Variants in MYO18B observed in about 807,000 individuals in gnomAD.
MYO18B encodes unconventional myosin-XVIIIb.
Under a neutral mutation model 273.0 loss-of-function variants are expected in MYO18B, and 204 were observed. The ratio of observed to expected loss-of-function variants is 0.75; its 90% CI spans 0.67 to 0.84. MYO18B has a LOEUF of 0.84. Ranked by LOEUF, MYO18B falls within the 40% of genes least tolerant of loss-of-function variation. The pLI is 0.00. For synonymous variants in MYO18B, 1,330 were observed against 1,305.7 expected (o/e 1.02, Z -0.40); for missense variants, 3,212 against 3,287.6 (o/e 0.98, Z 0.56).
intron 40 of MYO18B, among the ~76,000 whole-genome samples, chr22:26,000,469 C>G (rs1192010630): frequency 6.6e-6 from 1 of 151,998 alleles, no homozygotes; most frequent in Non-Finnish European, 1.5e-5. Context: ...CTTTCCAGGA[C>G]CAATAACCTG....
intron 33 of MYO18B, among the ~76,000 whole-genome samples, chr22:25,912,563 G>A (rs1481325788): frequency 6.6e-6 from 1 of 152,160 alleles, no homozygotes; most frequent in Non-Finnish European, 1.5e-5. Context: ...CACTTTTGAT[G>A]ATTTTAAATG....
intron 12 of MYO18B, among the ~76,000 whole-genome samples, chr22:25,823,044 C>T (rs2089343174): frequency 6.6e-6 from 1 of 152,112 alleles, no homozygotes; most frequent in Non-Finnish European, 1.5e-5. Context: ...TTCCTACTGT[C>T]TTGTGAACTA....
chr22:25,863,380 G>A (rs762396402), intron 21 of MYO18B, among the ~76,000 whole-genome samples: 22 of 152,072 alleles, frequency 1.4e-4, no homozygotes, highest in South Asian at 1.0e-3. Flanking sequence ...ATAATTTTAC[G>A]TTTATTGCAC....
rs530977157 is a variant in MYO18B at position 25,865,740 on chromosome 22, T to C, written c.3886-2580T>C. ...GATCTAACTCTGGATCATGATTTTT[T>C]TTCCCCCAAAACATCTGCCATAGAC... is the stretch of plus-strand genomic sequence containing the variant. On this transcript the variant is annotated intron_variant, in intron 21 of 43. Coordinates refer to ENST00000335473, the MANE Select transcript of MYO18B (RefSeq NM_032608.7). Among the ~76,000 whole-genome samples the C allele has an allele frequency of 8.3e-4, 127 of 152,176 alleles. 2 individuals carry two copies. The highest frequency in any genetic ancestry group is 2.2e-4 in the Non-Finnish European group (15 of 68,036).
At chr22:25,865,170 G>A (rs1334863381) in intron 21 of MYO18B, among the ~76,000 whole-genome samples, 1 of 152,212 alleles carries the variant, frequency 6.6e-6, no homozygotes, top group Non-Finnish European at 1.5e-5. Flanking sequence ...ATTGCTGTAT[G>A]GTCCAGGCAG....
rs570043868 is a variant in MYO18B at position 25,950,751 on chromosome 22, A to T, written c.5832+301A>T. On this transcript the variant is annotated intron_variant, in intron 37 of 43. Coordinates refer to ENST00000335473, the MANE Select transcript of MYO18B (RefSeq NM_032608.7). The stretch of plus-strand genomic sequence containing the variant: ...CATGCCTGGCTAATTTTTGTTTTTT[A>T]AGTAGAGACGGGGTTCTACCATGTT... Among the ~76,000 whole-genome samples, 3 of 151,932 alleles carry T rather than the reference A, an allele frequency of 2.0e-5. No individual in the cohort carries two copies. In the East Asian group the frequency reaches 5.8e-4, roughly 30 times the overall value.
chr22:25,962,847 C>G (rs891235058), intron 39 of MYO18B, among the ~76,000 whole-genome samples: 1 of 152,186 alleles, frequency 6.6e-6, no homozygotes, highest in Non-Finnish European at 1.5e-5. Context: ...CACTTGCATT[C>G]AGCAAGTGTC....
At chr22:25,990,897 AT>A (rs66630144) in intron 39 of MYO18B, among the ~76,000 whole-genome samples, 2,309 of 152,040 alleles carry the variant, frequency 0.015, 57 homozygotes, top group African/African-American at 0.053. Flanking sequence ...CAGTCCAAAA[AT>A]AAACTTTACA....
At position 25,904,744 on chromosome 22, in the gene MYO18B, A is replaced by G. The variant is rs2146353817; in HGVS notation, c.5148+913A>G. Among the ~76,000 whole-genome samples, 2 of 152,318 alleles carry G rather than the reference A, an allele frequency of 1.3e-5. 1 individual carries two copies. On this transcript the variant is annotated intron_variant, in intron 31 of 43. Coordinates refer to ENST00000335473, the MANE Select transcript of MYO18B (RefSeq NM_032608.7). ...TTGAGGCAGCTTACAAGATACATGT[A>G]TAATAGAACACAAAAATTGTAAATA...
chr22:25,808,327 AAATTCTCACTTTT>A (rs1299529222), intron 12 of MYO18B, among the ~76,000 whole-genome samples: 4 of 152,088 alleles, frequency 2.6e-5, no homozygotes, highest in Non-Finnish European at 4.4e-5. Context: ...CACTTTGCAT[AAATTCTCACTTTT>A]AATTCTCACA....
At chr22:25,907,095 G>C (rs574370503) in intron 31 of MYO18B, among the ~76,000 whole-genome samples, 1 of 152,308 alleles carries the variant, frequency 6.6e-6, no homozygotes, top group East Asian at 1.9e-4. Flanking sequence ...CTGTACCCTG[G>C]GGATTCTAAT....
intron 17 of MYO18B, among the ~76,000 whole-genome samples, 171 bp downstream of exon 17, chr22:25,835,614 G>A (rs1421907589): frequency 6.6e-6 from 1 of 152,222 alleles, no homozygotes; most frequent in African/African-American, 2.4e-5. Context: ...TTCAGTGAAC[G>A]CATTGAGCAG....
chr22:25,771,633 A>G (rs1264355920), intron 6 of MYO18B, among the ~76,000 whole-genome samples: 1 of 150,242 alleles, frequency 6.7e-6, no homozygotes, highest in African/African-American at 2.5e-5. Flanking sequence ...TCCTCTGCCC[A>G]CCTCAGGCTT....
At chr22:25,773,339 C>G (rs943640366) in intron 7 of MYO18B, among the ~76,000 whole-genome samples, 2 of 152,082 alleles carry the variant, frequency 1.3e-5, no homozygotes, top group African/African-American at 4.8e-5. Flanking sequence ...ATAAGAGTGG[C>G]CCGAGCAGAT....
At chr22:25,851,254 G>T (rs118179018) in intron 20 of MYO18B, among the ~76,000 whole-genome samples, 1 of 152,128 alleles carries the variant, frequency 6.6e-6, no homozygotes, top group Non-Finnish European at 1.5e-5. Context: ...TATAGGGTTC[G>T]TGTTCTCAGG....
chr22:25,849,216 C>T (rs951248867), intron 20 of MYO18B, among the ~76,000 whole-genome samples: 6 of 152,192 alleles, frequency 3.9e-5, no homozygotes, highest in African/African-American at 9.6e-5. Flanking sequence ...CAGGGTGTCC[C>T]GTTCCTGTGT....
chr22:25,823,171 G>A (rs1398373551), intron 12 of MYO18B, among the ~76,000 whole-genome samples: 1 of 152,158 alleles, frequency 6.6e-6, no homozygotes, highest in Non-Finnish European at 1.5e-5. Context: ...TGGATGGGTA[G>A]GTAAATGGAT....
chr22:26,008,063 C>G (rs1934581660), intron 42 of MYO18B, among the ~76,000 whole-genome samples: 1 of 152,122 alleles, frequency 6.6e-6, no homozygotes, highest in African/African-American at 2.4e-5. Context: ...TAATGCTTTT[C>G]ATAAATTTTT....
In MYO18B at chr22:25,898,312, G is replaced by A; in HGVS notation, c.4674G>A (p.Gly1558=). The A allele has an allele frequency of 6.2e-7, 1 of 1,613,242 alleles. No homozygotes were observed. Among genetic ancestry groups the A allele is most frequent in the Non-Finnish European group, 8.5e-7 (1 of 1,179,620 alleles). The change falls in exon 29 of 44, where the codon GGG becomes GGA. Residue 1558 remains glycine, a synonymous_variant. Coordinates refer to ENST00000335473, the MANE Select transcript of MYO18B (RefSeq NM_032608.7). ...TARKELEQKL[G]ELQSAYDGAK... ...TCATTCTATTACTCTTACAGCTTGG[G>A]GAGTTGCAAAGTGCTTATGACGGGG...
Sources: gnomAD v4.1 joint callset for allele counts (sites outside exome capture counted in the v4.1 genomes callset) on GRCh38, gnomAD v4.1.1 for gene constraint, MANE v1.5 for transcripts, NCBI Gene and HGNC (gene_info 2026-07-23, HGNC 2026-07-21) for gene names.